Variants in CFAP90 observed in about 807,000 individuals in gnomAD.
The protein encoded by CFAP90 is cilia and flagella associated protein 90, also known as cilia- and flagella-associated protein 90.
the CFAP90 span, among the ~76,000 whole-genome samples, chr5:7,844,179 C>T: frequency 1.3e-5 from 2 of 152,160 alleles, no homozygotes; most frequent in African/African-American, 4.8e-5. Context: ...CAGCCCCATT[C>T]CCCCAAGCCC....
At chr5:7,831,552 G>C in the CFAP90 span, 9 of 263,480 alleles carry the variant, frequency 3.4e-5, no homozygotes, top group East Asian at 6.1e-4. Flanking sequence ...ATTTTATTCA[G>C]GTGCTCACAA....
chr5:7,847,005 T>C, the CFAP90 span, among the ~76,000 whole-genome samples: 1 of 152,184 alleles, frequency 6.6e-6, no homozygotes, highest in Non-Finnish European at 1.5e-5. Flanking sequence ...CTCCTCAGTC[T>C]CCTAAAATAG....
chr5:7,844,907 T>A, the CFAP90 span, among the ~76,000 whole-genome samples: 1 of 152,168 alleles, frequency 6.6e-6, no homozygotes, highest in East Asian at 1.9e-4. Context: ...CTTCAGAGAT[T>A]CCCCTTTGTG....
the CFAP90 span, among the ~76,000 whole-genome samples, chr5:7,849,199 C>T: frequency 3.1e-3 from 466 of 152,312 alleles, 3 homozygotes; most frequent in Admixed American, 8.0e-3. Flanking sequence ...CAGCAGTTGT[C>T]TAAACTAGAA....
At chr5:7,845,491 G>A in the CFAP90 span, among the ~76,000 whole-genome samples, 1 of 152,194 alleles carries the variant, frequency 6.6e-6, no homozygotes, top group African/African-American at 2.4e-5. Context: ...TCAAGACAGA[G>A]CTATCCACAA....
the CFAP90 span, among the ~76,000 whole-genome samples, chr5:7,833,628 CAT>C: frequency 6.6e-6 from 1 of 152,118 alleles, no homozygotes; most frequent in African/African-American, 2.4e-5. Context: ...CATGTACACA[CAT>C]ATATACATAC....
the CFAP90 span, among the ~76,000 whole-genome samples, chr5:7,848,946 C>T: frequency 1.2e-3 from 176 of 152,226 alleles, 1 homozygote; most frequent in African/African-American, 3.8e-3. Flanking sequence ...TATAAATTAC[C>T]GAGTCTTGGG....
the CFAP90 span, among the ~76,000 whole-genome samples, chr5:7,850,702 C>T: frequency 6.6e-6 from 1 of 150,694 alleles, no homozygotes; most frequent in Non-Finnish European, 1.5e-5. Flanking sequence ...CCCCTACGCC[C>T]TCCCTCCGAG....
At chr5:7,847,798 C>A in the CFAP90 span, among the ~76,000 whole-genome samples, 2 of 152,160 alleles carry the variant, frequency 1.3e-5, no homozygotes, top group African/African-American at 4.8e-5. Flanking sequence ...CTGGTAAATG[C>A]AAGAATGAAC....
At chr5:7,845,625 T>G in the CFAP90 span, among the ~76,000 whole-genome samples, 2 of 152,254 alleles carry the variant, frequency 1.3e-5, no homozygotes, top group Admixed American at 6.5e-5. Context: ...GACTGCTTTT[T>G]CATTTCAGCA....
the CFAP90 span, chr5:7,830,449 G>A: frequency 6.6e-6 from 1 of 152,156 alleles, no homozygotes; most frequent in South Asian, 2.1e-4. Context: ...TCTGAATAAT[G>A]AATAATTTAT....
At chr5:7,849,379 C>T in the CFAP90 span, among the ~76,000 whole-genome samples, 3 of 152,236 alleles carry the variant, frequency 2.0e-5, no homozygotes, top group South Asian at 6.2e-4. Flanking sequence ...ACCTTATACA[C>T]CATAAGGGAA....
the CFAP90 span, among the ~76,000 whole-genome samples, chr5:7,847,672 C>T: frequency 6.6e-6 from 1 of 152,194 alleles, no homozygotes; most frequent in African/African-American, 2.4e-5. Flanking sequence ...GGCAGATTTC[C>T]AGCCCACTCC....
At chr5:7,841,365 A>G in the CFAP90 span, among the ~76,000 whole-genome samples, 1 of 152,208 alleles carries the variant, frequency 6.6e-6, no homozygotes, top group Non-Finnish European at 1.5e-5. Context: ...GAATGCTTCT[A>G]CACTGTTGGT....
At chr5:7,832,059 G>T in the CFAP90 span, 1 of 1,592,576 alleles carries the variant, frequency 6.3e-7, no homozygotes. Context: ...CACATAGTCA[G>T]CACCACTGCA....
chr5:7,847,708 A>T, the CFAP90 span, among the ~76,000 whole-genome samples: 1 of 152,222 alleles, frequency 6.6e-6, no homozygotes, highest in Non-Finnish European at 1.5e-5. Flanking sequence ...CAAGTGATGG[A>T]GTCCCAGTCA....
the CFAP90 span, among the ~76,000 whole-genome samples, chr5:7,839,137 C>T: frequency 1.3e-5 from 2 of 152,212 alleles, no homozygotes; most frequent in African/African-American, 4.8e-5. Context: ...ACCATCAGAT[C>T]TCATGAGACT....
At chr5:7,849,672 G>A in the CFAP90 span, among the ~76,000 whole-genome samples, 2 of 152,200 alleles carry the variant, frequency 1.3e-5, no homozygotes, top group Admixed American at 6.5e-5. Context: ...GATGCAGGGT[G>A]CCCAGTGGCC....
the CFAP90 span, among the ~76,000 whole-genome samples, chr5:7,839,312 C>T: frequency 6.6e-6 from 1 of 152,120 alleles, no homozygotes; most frequent in Admixed American, 6.5e-5. Context: ...AGGGACAGCC[C>T]CCTCAGAGTG....
Sources: allele counts gnomAD v4.1 joint callset (sites outside exome capture counted in the v4.1 genomes callset), GRCh38; gene constraint gnomAD v4.1.1; transcripts MANE v1.5; gene names NCBI Gene and HGNC (gene_info 2026-07-23, HGNC 2026-07-21).